PATJ: variants seen among roughly 807,000 people sequenced by gnomAD.
The protein encoded by PATJ is PATJ crumbs cell polarity complex component.
Under a neutral mutation model 224.9 loss-of-function variants are expected in PATJ, and 190 were observed. That is an observed-to-expected ratio of 0.84 (90% confidence interval 0.75 to 0.95). PATJ has a LOEUF of 0.95. Among genes scored for constraint, PATJ ranks in the 40% least tolerant of loss-of-function variants. The probability of loss-of-function intolerance (pLI) is 0.00; values close to 1 mark genes in which losing one functional copy is unlikely to be tolerated. For synonymous variants in PATJ, 769 were observed against 820.3 expected, an observed-to-expected ratio of 0.94 and a Z score of 1.07; for missense variants, 2,121 against 2,270.3, an observed-to-expected ratio of 0.93 and a Z score of 1.34.
chr1:62,002,420 AAG>A (rs1645830443), intron 28 of PATJ, among the ~76,000 whole-genome samples: 1 of 152,072 alleles, frequency 6.6e-6, no homozygotes, highest in African/African-American at 2.4e-5. Context: ...AAGAAAGAAA[AAG>A]AGAGCGGGGC....
intron 31 of PATJ, among the ~76,000 whole-genome samples, chr1:62,056,090 G>T (rs1456016953): frequency 6.6e-6 from 1 of 152,120 alleles, no homozygotes; most frequent in Non-Finnish European, 1.5e-5. Context: ...CAATTGGATG[G>T]TGCCTTGCCC....
chr1:61,856,233 T>G lies in PATJ; in HGVS notation c.2316T>G (p.Pro772=). ...TAGTACACCTTGGCATCTGTAAGCC[T>G]TTGGTGGTAAGTGTTGTATTTTGTT... is the stretch of plus-strand genomic sequence containing the variant. ...PGLVHLGICK[P]LVEDNEEESC... Residue 772 remains proline (P), a synonymous_variant, in exon 18 of 44, where the codon CCT becomes CCG. Coordinates refer to ENST00000642238, the MANE Select transcript of PATJ (RefSeq NM_001350145.3). 1 of 1,612,698 alleles carries G rather than the reference T, an allele frequency of 6.2e-7. No homozygotes were observed. The highest frequency in any genetic ancestry group is 1.1e-5 in the South Asian group (1 of 91,046).
At chr1:62,060,513 G>A (rs1454076703) in intron 31 of PATJ, among the ~76,000 whole-genome samples, 2 of 151,720 alleles carry the variant, frequency 1.3e-5, no homozygotes, top group Admixed American at 6.6e-5. Context: ...GACTACAGGC[G>A]CACAGTACCA....
At chr1:61,749,716 G>T (rs1027570513) in intron 1 of PATJ, among the ~76,000 whole-genome samples, 7 of 151,110 alleles carry the variant, frequency 4.6e-5, no homozygotes, top group African/African-American at 1.2e-4. Flanking sequence ...TCACTCTGTT[G>T]CCCAGGCTAT....
At chr1:61,927,947 G>A in intron 27 of PATJ, 118 bp downstream of exon 27, 2 of 709,930 alleles carry the variant, frequency 2.8e-6, no homozygotes, top group Non-Finnish European at 4.5e-6. Context: ...ATGAATGTAT[G>A]CTAAAAAATC....
At chr1:61,943,163 C>G (rs1433986722) in intron 27 of PATJ, among the ~76,000 whole-genome samples, 1 of 152,198 alleles carries the variant, frequency 6.6e-6, no homozygotes, top group Non-Finnish European at 1.5e-5. Flanking sequence ...CGAATAGGAA[C>G]AGCTCCAGTC....
At chr1:61,801,809 C>G (rs750892820) in intron 12 of PATJ, 40 bp downstream of exon 12, 1 of 1,380,736 alleles carries the variant, frequency 7.2e-7, no homozygotes, top group East Asian at 2.4e-5. Flanking sequence ...CAGACTTCTT[C>G]ATTTGTTAAC....
intron 15 of PATJ, among the ~76,000 whole-genome samples, chr1:61,823,692 A>G (rs1263251449): frequency 6.6e-6 from 1 of 152,250 alleles, no homozygotes; most frequent in African/African-American, 2.4e-5. Context: ...GAATCAACCT[A>G]GTAGCTTTAG....
intron 41 of PATJ, among the ~76,000 whole-genome samples, chr1:62,134,001 C>T (rs1344000175): frequency 6.6e-6 from 1 of 151,946 alleles, no homozygotes; most frequent in Non-Finnish European, 1.5e-5. Flanking sequence ...CTGCCTTGGC[C>T]TCCCACAGTG....
chr1:61,748,888 A>T (rs1645172203), intron 1 of PATJ, among the ~76,000 whole-genome samples: 1 of 152,134 alleles, frequency 6.6e-6, no homozygotes. Flanking sequence ...AAGAGATGCT[A>T]ATAGTAGTTA....
intron 31 of PATJ, among the ~76,000 whole-genome samples, chr1:62,071,592 A>C (rs1657425092): frequency 1.3e-5 from 2 of 151,038 alleles, no homozygotes; most frequent in African/African-American, 4.9e-5. Flanking sequence ...TCCCCAGGTA[A>C]AAGCAATTCT....
chr1:61,881,354 T>G (rs1668065093), intron 21 of PATJ, among the ~76,000 whole-genome samples: 1 of 151,140 alleles, frequency 6.6e-6, no homozygotes, highest in Non-Finnish European at 1.5e-5. Flanking sequence ...AGCCTTATCC[T>G]GGGGCCTATG....
chr1:62,142,760 C>T (rs1361054304), intron 41 of PATJ, among the ~76,000 whole-genome samples: 1 of 152,034 alleles, frequency 6.6e-6, no homozygotes, highest in Non-Finnish European at 1.5e-5. Context: ...GCCAGGCACG[C>T]TGGTTTGGGG....
At chr1:62,000,857 T>C (rs1569882070) in intron 28 of PATJ, among the ~76,000 whole-genome samples, 1 of 151,204 alleles carries the variant, frequency 6.6e-6, no homozygotes, top group Non-Finnish European at 1.5e-5. Context: ...TTTCCAGCAC[T>C]TGTTGTTTCC....
rs79058851 is a variant in PATJ at position 61,900,954 on chromosome 1, T to C, written c.3204-328T>C. Among the ~76,000 whole-genome samples the C allele has an allele frequency of 3.3e-5, 5 of 152,262 alleles. No homozygotes were observed. The South Asian group carries it at 1.0e-3, about 32-fold the overall frequency. ...TTCTTCAGTCCATTCTTTGCTAATG[T>C]TATGGATACAAATGAAAAGGACTAA... On this transcript the variant is annotated intron_variant, in intron 23 of 43. Coordinates refer to ENST00000642238, the MANE Select transcript of PATJ (RefSeq NM_001350145.3).
chr1:61,974,401 CTCTCTTTT>C (rs1268643289), intron 27 of PATJ, among the ~76,000 whole-genome samples: 21 of 136,410 alleles, frequency 1.5e-4, no homozygotes, highest in African/African-American at 5.9e-4. Flanking sequence ...CTCTCTCTCT[CTCTCTTTT>C]TTTTTTTTTT....
intron 39 of PATJ, among the ~76,000 whole-genome samples, chr1:62,125,275 C>T (rs1665608613): frequency 1.9e-5 from 2 of 106,016 alleles, no homozygotes; most frequent in East Asian, 8.4e-4. Flanking sequence ...AAAAAAAAAA[C>T]GCCATTAGCT....
At chr1:61,907,221 T>C (rs1313766655) in intron 24 of PATJ, among the ~76,000 whole-genome samples, 4 of 152,198 alleles carry the variant, frequency 2.6e-5, no homozygotes, top group Non-Finnish European at 5.9e-5. Context: ...CAGTTCTTTA[T>C]AGCAGCGTGA....
chr1:62,104,490 T>C (rs1662635890), intron 33 of PATJ, among the ~76,000 whole-genome samples: 1 of 152,092 alleles, frequency 6.6e-6, no homozygotes, highest in African/African-American at 2.4e-5. Context: ...TTAATGTAAT[T>C]ATCCAGAACC....
Sources: allele counts gnomAD v4.1 joint callset (sites outside exome capture counted in the v4.1 genomes callset), GRCh38; gene constraint gnomAD v4.1.1; transcripts MANE v1.5; gene names NCBI Gene and HGNC (gene_info 2026-07-23, HGNC 2026-07-21).